The following TSC2 variants were observed in gnomAD, a reference collection of about 807,000 sequenced individuals.
TSC2 encodes TSC complex subunit 2.
A neutral mutation model predicts 202.2 loss-of-function variants in TSC2; 29 were observed. That is an observed-to-expected ratio of 0.14 (90% CI 0.11 to 0.20). The LOEUF (loss-of-function observed/expected upper bound fraction) is 0.20, where lower values mean the gene tolerates loss of function less well. TSC2 is among the 10% of genes least tolerant of loss of function. The probability of loss-of-function intolerance (pLI) is 1.00; values close to 1 mark genes in which losing one functional copy is unlikely to be tolerated. For missense variants in TSC2, 2,429 were observed against 2,420.0 expected, an observed-to-expected ratio of 1.00 and a Z score of -0.08; for synonymous variants, 1,349 against 1,044.0, an observed-to-expected ratio of 1.29 and a Z score of -5.63.
chr16:2,069,740 A>G lies in TSC2; in HGVS notation c.1717-716A>G, dbSNP rs549913240. 1.1e-4 allele frequency among the ~76,000 whole-genome samples: 16 copies of G among 152,236 alleles called. 1 individual carries two copies. The South Asian group carries it at 2.9e-3, about 28-fold the overall frequency. On this transcript the variant is annotated intron_variant, in intron 16 of 41. Transcript: ENST00000219476. The stretch of plus-strand genomic sequence containing the variant: ...CATGATCCACCCGCCTCGGCTTCCC[A>G]AAGTGCTGGGATTACAGGCGTGAGC...
At chr16:2,059,628 T>C (rs2151121539) in intron 10 of TSC2, among the ~76,000 whole-genome samples, 1 of 149,104 alleles carries the variant, frequency 6.7e-6, no homozygotes, top group African/African-American at 2.5e-5. Context: ...CAAGCCATTC[T>C]CCTGCCTCAG....
At chr16:2,048,814 G>A in intron 2 of TSC2, 61 bp downstream of exon 2, 3 of 1,611,760 alleles carry the variant, frequency 1.9e-6, no homozygotes, top group Non-Finnish European at 2.5e-6. Context: ...GCTGGGTTTG[G>A]TCTTGCACCA....
chr16:2,086,838 C>G lies in TSC2; in HGVS notation c.4956C>G (p.Asp1652Glu), dbSNP rs1376515823. 1.2e-6 allele frequency: 2 copies of G among 1,605,346 alleles called. No individual in the cohort carries two copies. The highest frequency in any genetic ancestry group is 2.2e-5 in the East Asian group (1 of 44,452). The change falls in exon 38 of 42, where the codon GAC becomes GAG. Residue 1652 changes from aspartate (D) to glutamate (E), a missense_variant. By Grantham distance (45) the Asp-to-Glu change is conservative. Coordinates refer to ENST00000219476, the MANE Select transcript of TSC2 (RefSeq NM_000548.5). ...ACTTTGTGTCCATTGTCTACAATGA[C>G]TCCGGTGAGGACTTCAAGCTTGGCA... is the stretch of plus-strand genomic sequence containing the variant. Reference protein sequence around the residue: ...GNDFVSIVYNDSGEDFKLGTI... With the variant: ...GNDFVSIVYNESGEDFKLGTI...
chr16:2,071,968 C>T (rs755363968), intron 19 of TSC2, 34 bp downstream of exon 19: 25 of 1,547,378 alleles, frequency 1.6e-5, no homozygotes, highest in East Asian at 2.4e-5. Context: ...ATCCGTCCCA[C>T]GTTGGGCCAG....
intron 24 of TSC2, 146 bp downstream of exon 24, chr16:2,076,316 C>G: frequency 6.4e-7 from 1 of 1,558,572 alleles, no homozygotes; most frequent in South Asian, 1.2e-5. Flanking sequence ...GGGGGCTCTG[C>G]TGGGCAGCCT....
chr16:2,051,315 G>C (rs531513420), intron 3 of TSC2, among the ~76,000 whole-genome samples: 1 of 148,986 alleles, frequency 6.7e-6, no homozygotes, highest in Non-Finnish European at 1.5e-5. Context: ...GCAAGACTCT[G>C]TCTCAAAAAA....
Position 2,081,667 on chromosome 16 carries a change from T to C in TSC2, c.3683T>C (p.Leu1228Pro), listed in dbSNP as rs2090157715. ...TCCTCGGACATCAACAACATGCCCC[T>C]GCAGGAGCTGTCTAACGCCCTCATG... ...PFSSDINNMP[L>P]QELSNALMAA... The change falls in exon 31 of 42, where the codon CTG becomes CCG. Residue 1228 changes from leucine (L) to proline (P), a missense_variant. Transcript: ENST00000219476. The C allele has an allele frequency of 6.2e-7, 1 of 1,612,846 alleles. No individual in the cohort carries two copies. The highest frequency in any genetic ancestry group is 1.7e-5 in the Admixed American group (1 of 60,006).
At chr16:2,056,393 AAGTC>A in intron 7 of TSC2, 149 bp downstream of exon 7, 1 of 1,225,820 alleles carries the variant, frequency 8.2e-7, no homozygotes, top group Non-Finnish European at 1.2e-6. Context: ...TCCCCCATGT[AAGTC>A]AGGATAGCCG....
At chr16:2,083,149 A>G in intron 32 of TSC2, 1 of 456,602 alleles carries the variant, frequency 2.2e-6, no homozygotes, top group Non-Finnish European at 4.4e-6. Flanking sequence ...TGCTGCTTCT[A>G]CTTCCTCTCC....
rs886038350 is a variant in TSC2, at chr16:2,070,530, C to T, written c.1791C>T (p.His597=). 1 of 1,613,362 alleles carries T rather than the reference C, an allele frequency of 6.2e-7. No individual in the cohort carries two copies. The highest frequency in any genetic ancestry group is 8.5e-7 in the Non-Finnish European group (1 of 1,180,044). ...TGCTGGTCAGCCACATTCAGCTCCA[C>T]TACAAGCACAGCTACACCCTGCCAA... is the stretch of plus-strand genomic sequence containing the variant. The part of the protein sequence containing the change: ...YEMLVSHIQL[H]YKHSYTLPIA... The change falls in exon 17 of 42, where the codon CAC becomes CAT. Residue 597 remains histidine (H), a synonymous_variant. Coordinates refer to ENST00000219476, the MANE Select transcript of TSC2 (RefSeq NM_000548.5).
At position 2,089,487 on chromosome 16, in the gene TSC2, A is replaced by G; in HGVS notation, c.*877A>G. On this transcript the variant is annotated 3_prime_UTR_variant, in exon 42 of 42. Transcript: ENST00000219476. ...GAAATAAATTAGCATCTCAGAGGCT[A>G]GAAACCGTCCAATACTGCTGTGTCC... The G allele has an allele frequency of 1.7e-6, 1 of 575,614 alleles. No individual in the cohort carries two copies. The highest frequency in any genetic ancestry group is 3.1e-6 in the Non-Finnish European group (1 of 323,326). 35.7% of individuals were successfully genotyped at this position (575,614 alleles called of 1,614,324 possible).
rs34619573 is a variant in TSC2, at chr16:2,066,651, CTTTTTTTTTTT to C, written c.1716+1030_1716+1040del. Among the ~76,000 whole-genome samples, 496 of 98,488 alleles carry C rather than the reference CTTTTTTTTTTT, an allele frequency of 5.0e-3. 4 individuals are homozygous for C. Among genetic ancestry groups the C allele is most frequent in the African/African-American group, 0.018 (464 of 26,086 alleles). The allele number at this position is 98,488 out of a possible 152,430, so 64.6% of individuals were successfully genotyped here. On this transcript the variant is annotated intron_variant, in intron 16 of 41. Transcript: ENST00000219476. Reference sequence around the variant, plus strand: ...GCAGCATGTAAGGGTTCTGATTTATCTTTTTTTTTTTTTTTTTTTTTTTTGATACAGTCTCA... The same window carrying C: ...GCAGCATGTAAGGGTTCTGATTTATCTTTTTTTTTTTTTGATACAGTCTCA...
rs1264194267 is a variant in TSC2 at position 2,081,716 on chromosome 16, C to T, written c.3732C>T (p.His1244=). 5 of 1,612,984 alleles carry T rather than the reference C, an allele frequency of 3.1e-6. No homozygotes were observed. The Admixed American group carries it at 5.0e-5, about 16-fold the overall frequency. ...ALMAAERFKE[H]RDTALYKSLS... ...TGGCGGCTGAGCGCTTCAAGGAGCA[C>T]CGGGACACAGCCCTGTACAAGTCAC... Residue 1244 remains histidine (H), a synonymous_variant, in exon 31 of 42, where the codon CAC becomes CAT. Transcript: ENST00000219476.
rs1194695685 is a variant in TSC2, at chr16:2,079,094, A to G, written c.3029A>G (p.Gln1010Arg). 2 of 1,613,028 alleles carry G rather than the reference A, an allele frequency of 1.2e-6. No homozygotes were observed. Among genetic ancestry groups the G allele is most frequent in the Non-Finnish European group, 8.5e-7 (1 of 1,180,022 alleles). ...LGSADENSVA[Q>R]ADDSLKNLHL... Reference sequence around the variant, plus strand: ...TCTGCAGATGAGAACTCCGTGGCCCAGGCTGACGATAGCCTGAAAAACCTC... The same window carrying G: ...TCTGCAGATGAGAACTCCGTGGCCCGGGCTGACGATAGCCTGAAAAACCTC... Residue 1010 changes from glutamine to arginine, a missense_variant, in exon 27 of 42, where the codon CAG (glutamine) becomes CGG (arginine). Gln to Arg is a conservative substitution (Grantham distance 43). Transcript: ENST00000219476. The surrounding 1 kb of genome is among the most constrained non-coding windows in gnomAD (Gnocchi z 4.6).
chr16:2,079,819 A>G lies in TSC2; in HGVS notation c.3397+150A>G. ...CCTGACTCTGGGGTGAGCCTTCCAC[A>G]GCTCACCCCAGAGCCGTGGAGTGGT... On this transcript the variant is annotated intron_variant, in intron 29 of 41. Coordinates refer to ENST00000219476, the MANE Select transcript of TSC2 (RefSeq NM_000548.5). This position sits in a 1 kb window ranked among gnomAD's most constrained non-coding sequence, Gnocchi z 4.6. 2 of 766,512 alleles carry G rather than the reference A, an allele frequency of 2.6e-6. No homozygotes were observed. The highest frequency in any genetic ancestry group is 4.1e-6 in the Non-Finnish European group (2 of 487,776). 47.5% of individuals were successfully genotyped at this position (766,512 alleles called of 1,614,324 possible).
intron 10 of TSC2, among the ~76,000 whole-genome samples, 174 bp downstream of exon 10, chr16:2,059,047 C>CTG (rs1555499896): frequency 9.8e-5 from 14 of 142,644 alleles, no homozygotes; most frequent in Admixed American, 9.1e-4. Flanking sequence ...AGGCTTTAGT[C>CTG]TTTTTTTTTT....
rs878854092 is a variant in TSC2 at position 2,079,619 on chromosome 16, C to G, written c.3347C>G (p.Ala1116Gly). The G allele has an allele frequency of 3.1e-6, 5 of 1,610,900 alleles. No homozygotes were observed. Among genetic ancestry groups the G allele is most frequent in the Non-Finnish European group, 4.2e-6 (5 of 1,179,294 alleles). The change falls in exon 29 of 42, where the codon GCT (alanine) becomes GGT (glycine). Residue 1116 changes from alanine to glycine, a missense_variant. Ala to Gly is a moderately conservative substitution (Grantham distance 60). Coordinates refer to ENST00000219476, the MANE Select transcript of TSC2 (RefSeq NM_000548.5). The surrounding 1 kb of genome is among the most constrained non-coding windows in gnomAD (Gnocchi z 4.6). ...GCGCCGGCCAAGCTGGAGTCCCAGG[C>G]TGGGCAGCAGGTGTCCCGTGGGGCC... is the stretch of plus-strand genomic sequence containing the variant. Reference protein sequence around the residue: ...KEAPAKLESQAGQQVSRGARD... With the variant: ...KEAPAKLESQGGQQVSRGARD...
chr16:2,048,541 G>A (rs867489118), intron 1 of TSC2, 46 bp from the exon 2 acceptor site: 9 of 1,611,122 alleles, frequency 5.6e-6, no homozygotes, highest in Middle Eastern at 1.7e-4. Flanking sequence ...GGGAAGGTGG[G>A]CAGAGGTGTT....
At chr16:2,084,188 G>GA in intron 33 of TSC2, 40 bp from the exon 34 acceptor site, 2 of 1,553,324 alleles carry the variant, frequency 1.3e-6, no homozygotes, top group Non-Finnish European at 1.7e-6. Context: ...GCTCGAGGGT[G>GA]CCTGCTGACA....
Sources: gnomAD v4.1 joint callset for allele counts (sites outside exome capture counted in the v4.1 genomes callset) on GRCh38, gnomAD v4.1.1 for gene constraint, Gnocchi (gnomAD v3.1) non-coding constraint, MANE v1.5 for transcripts, NCBI Gene and HGNC (gene_info 2026-07-23, HGNC 2026-07-21) for gene names.